The following PRSS12 variants were observed in gnomAD, a reference collection of about 807,000 sequenced individuals.
PRSS12 encodes the protein serine protease 12.
A neutral mutation model predicts 104.4 loss-of-function variants in PRSS12; 85 were observed. That is an observed-to-expected ratio of 0.81 (90% CI 0.68 to 0.98). PRSS12 has a LOEUF of 0.98. PRSS12 is among the 50% of genes least tolerant of loss of function. The probability of loss-of-function intolerance (pLI) is 0.00; values close to 1 mark genes in which losing one functional copy is unlikely to be tolerated. For synonymous variants in PRSS12, 454 were observed against 425.2 expected, an observed-to-expected ratio of 1.07 and a Z score of -0.83; for missense variants, 1,141 against 1,139.2, an observed-to-expected ratio of 1.00 and a Z score of -0.02.
At chr4:118,338,116 G>A (rs1724106521) in intron 2 of PRSS12, 60 bp downstream of exon 2, 2 of 1,597,628 alleles carry the variant, frequency 1.3e-6, no homozygotes, top group Non-Finnish European at 1.7e-6. Flanking sequence ...GCAATGACGG[G>A]CACCCAGCAT....
intron 9 of PRSS12, among the ~76,000 whole-genome samples, chr4:118,298,403 T>C (rs1372777487): frequency 6.6e-6 from 1 of 152,162 alleles, no homozygotes; most frequent in Non-Finnish European, 1.5e-5. Flanking sequence ...ATGAAGTCAT[T>C]ATCAATTCTG....
At chr4:118,308,831 G>C (rs1743627366) in intron 7 of PRSS12, among the ~76,000 whole-genome samples, 1 of 152,126 alleles carries the variant, frequency 6.6e-6, no homozygotes, top group Non-Finnish European at 1.5e-5. Context: ...GGCATACAGA[G>C]GATATGCAAT....
At chr4:118,283,258 C>G (rs2126025345) in intron 11 of PRSS12, 147 bp from the exon 12 acceptor site, 1 of 972,400 alleles carries the variant, frequency 1.0e-6, no homozygotes, top group Non-Finnish European at 1.6e-6. Flanking sequence ...ATCTGACCCA[C>G]CATTCCTGAT....
At chr4:118,299,755 TAAATAAAATTAAATAAAATA>T (rs1560768315) in intron 8 of PRSS12, among the ~76,000 whole-genome samples, 17,925 of 79,342 alleles carry the variant, frequency 0.23, 2,558 homozygotes, top group East Asian at 0.39. Context: ...ATAAATAAAA[TAAATAAAATTAAATAAAATA>T]AAATAAAATA....
intron 7 of PRSS12, among the ~76,000 whole-genome samples, chr4:118,311,465 T>C (rs903729593): frequency 2.1e-4 from 32 of 152,310 alleles, no homozygotes; most frequent in Non-Finnish European, 4.1e-4. Context: ...CATTGTTTCC[T>C]AAATGCTGTT....
intron 11 of PRSS12, among the ~76,000 whole-genome samples, chr4:118,293,501 G>A (rs1743176647): frequency 1.3e-5 from 2 of 152,004 alleles, no homozygotes; most frequent in South Asian, 4.2e-4. Context: ...AAAAGGACAA[G>A]GTCCAGACTA....
chr4:118,283,165 G>A (rs1334122365), intron 11 of PRSS12, 54 bp from the exon 12 acceptor site: 3 of 1,589,324 alleles, frequency 1.9e-6, no homozygotes, highest in East Asian at 2.2e-5. Context: ...GAAAATTATT[G>A]TCAAGAAGGA....
chr4:118,343,290 G>T (rs1311919020), intron 1 of PRSS12, among the ~76,000 whole-genome samples: 2 of 152,008 alleles, frequency 1.3e-5, no homozygotes, highest in Admixed American at 6.6e-5. Context: ...AGCTACTCAG[G>T]CTACTAAGGC....
At chr4:118,284,383 G>C (rs1334351324) in intron 11 of PRSS12, among the ~76,000 whole-genome samples, 2 of 152,152 alleles carry the variant, frequency 1.3e-5, no homozygotes, top group Non-Finnish European at 2.9e-5. Flanking sequence ...CAGAAGACTA[G>C]AGCTCCATGC....
chr4:118,293,935 G>A (rs1578904897), intron 11 of PRSS12, among the ~76,000 whole-genome samples: 1 of 152,258 alleles, frequency 6.6e-6, no homozygotes, highest in East Asian at 1.9e-4. Flanking sequence ...TTCTATCAAT[G>A]AAAGAATGGA....
chr4:118,346,353 T>G (rs1383272772), intron 1 of PRSS12, among the ~76,000 whole-genome samples: 5 of 151,720 alleles, frequency 3.3e-5, no homozygotes, highest in Non-Finnish European at 5.9e-5. Flanking sequence ...TATCATGTTT[T>G]CTTCCAAATC....
intron 3 of PRSS12, among the ~76,000 whole-genome samples, chr4:118,334,337 T>C (rs887230600): frequency 7.2e-5 from 11 of 152,138 alleles, no homozygotes; most frequent in Admixed American, 3.9e-4. Context: ...TAATTATTTT[T>C]AAAATTTTTT....
intron 7 of PRSS12, among the ~76,000 whole-genome samples, chr4:118,311,208 C>A (rs561483518): frequency 6.6e-6 from 1 of 152,082 alleles, no homozygotes; most frequent in Non-Finnish European, 1.5e-5. Context: ...CATATTTTTA[C>A]CATCCCAGAA....
At chr4:118,296,063 C>T (rs28503385) in intron 9 of PRSS12, among the ~76,000 whole-genome samples, 423 of 152,308 alleles carry the variant, frequency 2.8e-3, no homozygotes, top group African/African-American at 9.8e-3. Context: ...TGAGGTTTCC[C>T]ATTCTTCACC....
intron 2 of PRSS12, 100 bp from the exon 3 acceptor site, chr4:118,335,751 G>A: frequency 2.8e-6 from 3 of 1,055,918 alleles, no homozygotes; most frequent in Non-Finnish European, 4.4e-6. Context: ...CAACAAAGAT[G>A]AATATGGAAG....
intron 7 of PRSS12, among the ~76,000 whole-genome samples, chr4:118,312,791 T>C (rs7696163): frequency 0.046 from 6,989 of 151,866 alleles, 264 homozygotes; most frequent in Non-Finnish European, 0.072. Context: ...AGAGAAGAAA[T>C]GAACCATGAG....
intron 4 of PRSS12, among the ~76,000 whole-genome samples, chr4:118,324,727 GT>G (rs929458679): frequency 1.3e-5 from 2 of 152,102 alleles, no homozygotes; most frequent in Non-Finnish European, 2.9e-5. Context: ...TTTTGCTTTT[GT>G]TTTTTGAAGA....
At chr4:118,315,224 A>T (rs1743874299) in intron 6 of PRSS12, among the ~76,000 whole-genome samples, 1 of 152,144 alleles carries the variant, frequency 6.6e-6, no homozygotes, top group East Asian at 1.9e-4. Flanking sequence ...ATATAAGGTT[A>T]AAAATGTGGA....
intron 1 of PRSS12, among the ~76,000 whole-genome samples, chr4:118,346,151 G>A (rs1724348131): frequency 6.6e-6 from 1 of 152,134 alleles, no homozygotes; most frequent in Admixed American, 6.5e-5. Context: ...AAGAATAAAG[G>A]CCACGCTTCT....
Sources: gnomAD v4.1 joint callset for allele counts (sites outside exome capture counted in the v4.1 genomes callset) on GRCh38, gnomAD v4.1.1 for gene constraint, MANE v1.5 for transcripts, NCBI Gene and HGNC (gene_info 2026-07-23, HGNC 2026-07-21) for gene names.